Variants in AGBL1 observed in about 807,000 individuals in gnomAD.
The protein encoded by AGBL1 is AGBL carboxypeptidase 1, also known as cytosolic carboxypeptidase 4.
Under a neutral mutation model 118.9 loss-of-function variants are expected in AGBL1, and 130 were observed. That is an observed-to-expected ratio of 1.09 (90% CI 0.95 to 1.26). The LOEUF is 1.26. Among genes scored for constraint, AGBL1 ranks in the 50% most tolerant of loss-of-function variants. The pLI is 0.00. For missense variants in AGBL1, 1,584 were observed against 1,298.1 expected, an observed-to-expected ratio of 1.22 and a Z score of -3.38; for synonymous variants, 555 against 478.9, an observed-to-expected ratio of 1.16 and a Z score of -2.08.
At chr15:86,213,585 G>A (rs1439260996) in intron 5 of AGBL1, among the ~76,000 whole-genome samples, 1 of 152,088 alleles carries the variant, frequency 6.6e-6, no homozygotes, top group African/African-American at 2.4e-5. Context: ...CTCAGTGATC[G>A]CTGGTGAACT....
intron 22 of AGBL1, among the ~76,000 whole-genome samples, chr15:86,873,823 T>C (rs2079764858): frequency 6.6e-6 from 1 of 152,122 alleles, no homozygotes; most frequent in African/African-American, 2.4e-5. Context: ...TACTACCTCT[T>C]TTGGTGGTAG....
intron 22 of AGBL1, among the ~76,000 whole-genome samples, chr15:86,881,694 G>C (rs1021635312): frequency 1.3e-5 from 2 of 152,104 alleles, no homozygotes; most frequent in African/African-American, 4.8e-5. Context: ...GAGTGCAGTG[G>C]GGTGCTCTCA....
At chr15:86,196,550 G>A (rs778890110) in intron 5 of AGBL1, among the ~76,000 whole-genome samples, 5 of 152,134 alleles carry the variant, frequency 3.3e-5, no homozygotes, top group Non-Finnish European at 7.3e-5. Flanking sequence ...TCTCCTTTAA[G>A]CACCTGGATA....
chr15:86,461,325 G>A (rs1425464315), intron 18 of AGBL1, among the ~76,000 whole-genome samples: 1 of 152,144 alleles, frequency 6.6e-6, no homozygotes. Context: ...AGCTATCTTT[G>A]AAGGAATCAG....
intron 21 of AGBL1, among the ~76,000 whole-genome samples, chr15:86,643,771 CAA>C (rs1489296040): frequency 6.6e-6 from 1 of 152,038 alleles, no homozygotes; most frequent in African/African-American, 2.4e-5. Flanking sequence ...TATTTAATGA[CAA>C]AGTATTTAAG....
At chr15:86,516,354 A>G (rs1162662220) in intron 18 of AGBL1, among the ~76,000 whole-genome samples, 1 of 152,190 alleles carries the variant, frequency 6.6e-6, no homozygotes, top group Non-Finnish European at 1.5e-5. Flanking sequence ...TTTTCCCTTT[A>G]GCTTAGTGAT....
intron 24 of AGBL1, among the ~76,000 whole-genome samples, chr15:86,992,297 C>T (rs1459767226): frequency 1.3e-5 from 2 of 152,130 alleles, no homozygotes; most frequent in Non-Finnish European, 2.9e-5. Context: ...GCCTCCCACC[C>T]GGCCTCGGCT....
At chr15:86,401,370 A>G (rs1434122456) in intron 18 of AGBL1, among the ~76,000 whole-genome samples, 1 of 151,940 alleles carries the variant, frequency 6.6e-6, no homozygotes. Flanking sequence ...TTGCATGCAT[A>G]GTTTGCAAAG....
At chr15:86,179,382 G>C (rs1031416892) in intron 5 of AGBL1, among the ~76,000 whole-genome samples, 4 of 152,136 alleles carry the variant, frequency 2.6e-5, no homozygotes, top group Non-Finnish European at 5.9e-5. Context: ...GATATTTGTT[G>C]CAAGAATGCA....
chr15:86,593,511 G>A (rs1005572462), intron 21 of AGBL1, among the ~76,000 whole-genome samples: 1 of 152,110 alleles, frequency 6.6e-6, no homozygotes, highest in Non-Finnish European at 1.5e-5. Context: ...TTCTTCAACA[G>A]CTGGGAATTG....
chr15:86,702,703 C>A (rs971153709), intron 22 of AGBL1, among the ~76,000 whole-genome samples: 1 of 152,054 alleles, frequency 6.6e-6, no homozygotes, highest in Non-Finnish European at 1.5e-5. Context: ...CCTTTATTTC[C>A]TTCACACTTT....
intron 23 of AGBL1, among the ~76,000 whole-genome samples, chr15:86,968,188 A>G (rs1472158005): frequency 6.6e-6 from 1 of 151,868 alleles, no homozygotes; most frequent in Non-Finnish European, 1.5e-5. Context: ...TGACAATGAC[A>G]TTGGATTTGG....
chr15:86,756,924 T>A (rs2077950237), intron 22 of AGBL1, among the ~76,000 whole-genome samples: 1 of 150,948 alleles, frequency 6.6e-6, no homozygotes, highest in South Asian at 2.1e-4. Flanking sequence ...TTGACCAAAT[T>A]TGAATCCAAT....
intron 1 of AGBL1, among the ~76,000 whole-genome samples, chr15:86,138,099 G>C (rs1367547605): frequency 6.6e-6 from 1 of 152,094 alleles, no homozygotes; most frequent in East Asian, 1.9e-4. Context: ...TGGGAATAGA[G>C]ATATGAATAA....
chr15:86,228,790 A>G (rs920408970), intron 6 of AGBL1, among the ~76,000 whole-genome samples: 3 of 152,216 alleles, frequency 2.0e-5, no homozygotes, highest in African/African-American at 7.2e-5. Flanking sequence ...ATGAACAAAC[A>G]CATTTCCCGT....
intron 18 of AGBL1, among the ~76,000 whole-genome samples, chr15:86,496,144 T>A (rs560476884): frequency 5.3e-5 from 8 of 152,132 alleles, no homozygotes; most frequent in Admixed American, 4.6e-4. Context: ...GGGGGCGGTT[T>A]CCCCCATGCT....
chr15:86,314,071 T>C (rs910944813), intron 17 of AGBL1, among the ~76,000 whole-genome samples: 2 of 152,202 alleles, frequency 1.3e-5, no homozygotes, highest in South Asian at 2.1e-4. Flanking sequence ...TATCTGAATA[T>C]ATATTAAATA....
chr15:86,759,985 C>T (rs1004075349), intron 22 of AGBL1, among the ~76,000 whole-genome samples: 3 of 152,062 alleles, frequency 2.0e-5, no homozygotes, highest in Non-Finnish European at 4.4e-5. Context: ...ACAGCAGCAG[C>T]AGGCTTCCAT....
intron 6 of AGBL1, among the ~76,000 whole-genome samples, chr15:86,231,924 C>A (rs1228731310): frequency 6.6e-6 from 1 of 152,204 alleles, no homozygotes; most frequent in Non-Finnish European, 1.5e-5. Flanking sequence ...TAGAAAAGAA[C>A]ATGGTCCATG....
Sources: gnomAD v4.1 joint callset for allele counts (sites outside exome capture counted in the v4.1 genomes callset) on GRCh38, gnomAD v4.1.1 for gene constraint, MANE v1.5 for transcripts, NCBI Gene and HGNC (gene_info 2026-07-23, HGNC 2026-07-21) for gene names.